Variants in PCSK5 observed in about 807,000 individuals in gnomAD.
PCSK5 encodes proprotein convertase subtilisin/kexin type 5.
Under a neutral mutation model 233.2 loss-of-function variants are expected in PCSK5, and 129 were observed. That is an observed-to-expected ratio of 0.55 (90% CI 0.48 to 0.64). The LOEUF (loss-of-function observed/expected upper bound fraction) is 0.64, where lower values mean the gene tolerates loss of function less well. PCSK5 is among the 30% of genes least tolerant of loss of function. The pLI is 0.00. For synonymous variants in PCSK5, 825 were observed against 879.2 expected (o/e 0.94, Z 1.09); for missense variants, 2,076 against 2,430.1 (o/e 0.85, Z 3.06).
At chr9:76,183,331 C>T (rs928352412) in intron 16 of PCSK5, among the ~76,000 whole-genome samples, 1 of 152,120 alleles carries the variant, frequency 6.6e-6, no homozygotes, top group Non-Finnish European at 1.5e-5. Context: ...TATGTAATTG[C>T]CTTATGTTAT....
At chr9:76,226,299 A>G (rs1396990084) in intron 20 of PCSK5, among the ~76,000 whole-genome samples, 2 of 152,206 alleles carry the variant, frequency 1.3e-5, no homozygotes, top group Non-Finnish European at 2.9e-5. Context: ...GTTTAGTGCT[A>G]GCAAGTGTAA....
intron 34 of PCSK5, among the ~76,000 whole-genome samples, chr9:76,333,875 T>C (rs1210533855): frequency 6.6e-6 from 1 of 152,206 alleles, no homozygotes; most frequent in Admixed American, 6.5e-5. Context: ...TTAACACATT[T>C]CATGATGAGT....
chr9:76,221,621 GTCAGCCAAGACTTC>G (rs1401257466), intron 20 of PCSK5, among the ~76,000 whole-genome samples: 3 of 152,314 alleles, frequency 2.0e-5, no homozygotes, highest in African/African-American at 7.2e-5. Context: ...ATTCAGGTGC[GTCAGCCAAGACTTC>G]ACTTTGGATG....
At chr9:76,058,942 T>A (rs1302332228) in intron 5 of PCSK5, among the ~76,000 whole-genome samples, 1 of 151,944 alleles carries the variant, frequency 6.6e-6, no homozygotes, top group African/African-American at 2.4e-5. Flanking sequence ...CCCAGGAGTT[T>A]GAGGCCAGAC....
In PCSK5 at chr9:76,057,690, T is replaced by C. The variant is rs185355566; in HGVS notation, c.633-10265T>C. Among the ~76,000 whole-genome samples, 770 of 152,316 alleles carry C rather than the reference T, an allele frequency of 5.1e-3. 5 individuals are homozygous for C. The highest frequency in any genetic ancestry group is 6.5e-3 in the Non-Finnish European group (439 of 68,026). On this transcript the variant is annotated intron_variant, in intron 5 of 37. Coordinates refer to ENST00000674117, the MANE Select transcript of PCSK5 (RefSeq NM_001372043.1). ...ACAGTCACTACGTATTAATGATGCA[T>C]GTAATCTGTGCAGGGCTTTTTTACA...
intron 20 of PCSK5, among the ~76,000 whole-genome samples, chr9:76,210,735 G>A (rs765311378): frequency 1.3e-5 from 2 of 152,192 alleles, no homozygotes; most frequent in African/African-American, 2.4e-5. Flanking sequence ...CAGAATTGGC[G>A]TGGGGGGTGG....
chr9:76,008,818 T>G (rs1180148246), intron 3 of PCSK5, among the ~76,000 whole-genome samples: 2 of 152,224 alleles, frequency 1.3e-5, no homozygotes, highest in Non-Finnish European at 2.9e-5. Context: ...GTTGGAGATG[T>G]CATAGGACAA....
intron 5 of PCSK5, among the ~76,000 whole-genome samples, chr9:76,030,967 T>A (rs1219774321): frequency 1.3e-5 from 2 of 152,152 alleles, no homozygotes; most frequent in African/African-American, 4.8e-5. Context: ...CAGTGTGTGC[T>A]TAGGTTTGCC....
At chr9:76,160,535 C>G (rs189003343) in intron 12 of PCSK5, among the ~76,000 whole-genome samples, 2 of 152,124 alleles carry the variant, frequency 1.3e-5, no homozygotes, top group Non-Finnish European at 2.9e-5. Flanking sequence ...ATAGACATAG[C>G]CACTTGTCCA....
rs931901087 is a variant in PCSK5 at position 76,362,541 on chromosome 9, C to G, written c.*3619C>G. Among the ~76,000 whole-genome samples, 6 of 152,210 alleles carry G rather than the reference C, an allele frequency of 3.9e-5. No individual in the cohort carries two copies. The highest frequency in any genetic ancestry group is 5.9e-5 in the Non-Finnish European group (4 of 68,038). On this transcript the variant is annotated 3_prime_UTR_variant, in exon 38 of 38. Coordinates refer to ENST00000674117, the MANE Select transcript of PCSK5 (RefSeq NM_001372043.1). The stretch of plus-strand genomic sequence containing the variant: ...AGCTCAATCTGTCTTTCTGCCTCAT[C>G]AGCACTGCCTCAATCTAAGGGAGGA...
chr9:76,155,390 A>G (rs763925608), intron 10 of PCSK5, among the ~76,000 whole-genome samples: 2 of 152,242 alleles, frequency 1.3e-5, no homozygotes, highest in African/African-American at 4.8e-5. Flanking sequence ...TCGTTTTTAT[A>G]TACTATAGTT....
At chr9:75,937,256 G>A (rs537327070) in intron 2 of PCSK5, among the ~76,000 whole-genome samples, 1 of 149,400 alleles carries the variant, frequency 6.7e-6, no homozygotes, top group African/African-American at 2.5e-5. Flanking sequence ...TCAGCTCACT[G>A]CAACCTCCGC....
intron 2 of PCSK5, among the ~76,000 whole-genome samples, chr9:75,961,168 C>T (rs190977392): frequency 1.4e-4 from 21 of 152,316 alleles, no homozygotes; most frequent in Admixed American, 1.4e-3. Context: ...AAGTCCAGGT[C>T]ACTGCATCGG....
At chr9:76,073,114 C>T (rs1484210947) in intron 7 of PCSK5, among the ~76,000 whole-genome samples, 1 of 152,178 alleles carries the variant, frequency 6.6e-6, no homozygotes, top group African/African-American at 2.4e-5. Flanking sequence ...TAATTAACTA[C>T]AAATGATGCG....
intron 1 of PCSK5, among the ~76,000 whole-genome samples, chr9:75,918,171 G>A (rs937895161): frequency 4.6e-5 from 7 of 152,134 alleles, no homozygotes; most frequent in South Asian, 2.1e-4. Context: ...TGGGCCCTTA[G>A]CGTTATAAAA....
chr9:76,083,914 A>G (rs1162093203), intron 7 of PCSK5, among the ~76,000 whole-genome samples: 1 of 152,282 alleles, frequency 6.6e-6, no homozygotes, highest in African/African-American at 2.4e-5. Context: ...ACCCAGCTGT[A>G]GCAGGATTAG....
chr9:76,294,286 T>A (rs1044514434), intron 25 of PCSK5, among the ~76,000 whole-genome samples: 53 of 151,756 alleles, frequency 3.5e-4, no homozygotes, highest in Non-Finnish European at 1.0e-4. Context: ...AAGGCAGGGG[T>A]CAATTTCACT....
chr9:75,915,204 A>T (rs1822932743), intron 1 of PCSK5, among the ~76,000 whole-genome samples: 1 of 152,210 alleles, frequency 6.6e-6, no homozygotes, highest in Admixed American at 6.5e-5. Flanking sequence ...TGCAGTGCTC[A>T]GGGCTGGCAA....
At chr9:75,991,189 A>G (rs1452257832) in intron 3 of PCSK5, among the ~76,000 whole-genome samples, 15 of 152,196 alleles carry the variant, frequency 9.9e-5, no homozygotes, top group Non-Finnish European at 2.1e-4. Flanking sequence ...AAACTCAGCC[A>G]TTTACTTGTA....
Sources: gnomAD v4.1 joint callset for allele counts (sites outside exome capture counted in the v4.1 genomes callset) on GRCh38, gnomAD v4.1.1 for gene constraint, MANE v1.5 for transcripts, NCBI Gene and HGNC (gene_info 2026-07-23, HGNC 2026-07-21) for gene names.